Variants in CCDC15 observed in about 807,000 individuals in gnomAD.
CCDC15 encodes the protein coiled-coil domain containing 15, also known as coiled-coil domain-containing protein 15.
Under a neutral mutation model 114.5 loss-of-function variants are expected in CCDC15, and 105 were observed. That is an observed-to-expected ratio of 0.92 (90% confidence interval 0.78 to 1.08). The LOEUF (loss-of-function observed/expected upper bound fraction) is 1.08, where lower values mean the gene tolerates loss of function less well. Ranked by LOEUF, CCDC15 falls within the 50% of genes least tolerant of loss-of-function variation. The pLI is 0.00. For synonymous variants in CCDC15, 334 were observed against 377.8 expected (o/e 0.88, Z 1.34); for missense variants, 1,105 against 1,093.6 (o/e 1.01, Z -0.15).
At chr11:125,018,971 A>C (rs950090800) in intron 13 of CCDC15, among the ~76,000 whole-genome samples, 1 of 152,042 alleles carries the variant, frequency 6.6e-6, no homozygotes, top group African/African-American at 2.4e-5. Flanking sequence ...GCAGTGCTTC[A>C]TGAAAGAATG....
chr11:124,968,257 G>C (rs573655862), intron 4 of CCDC15, among the ~76,000 whole-genome samples: 1 of 152,200 alleles, frequency 6.6e-6, no homozygotes, highest in East Asian at 1.9e-4. Flanking sequence ...CCCTGACCCT[G>C]GAGGTGGAGT....
chr11:125,011,204 G>A (rs182867918), intron 13 of CCDC15, among the ~76,000 whole-genome samples: 2 of 149,356 alleles, frequency 1.3e-5, no homozygotes, highest in Admixed American at 6.6e-5. Flanking sequence ...ATGGGCAACT[G>A]TTTCTGTAAT....
chr11:124,982,885 T>C (rs1377855995), intron 6 of CCDC15, among the ~76,000 whole-genome samples: 1 of 152,230 alleles, frequency 6.6e-6, no homozygotes, highest in African/African-American at 2.4e-5. Flanking sequence ...AAATATGAAA[T>C]ACATTTTGCA....
intron 4 of CCDC15, among the ~76,000 whole-genome samples, chr11:124,963,420 G>A (rs1356858513): frequency 6.6e-6 from 1 of 152,110 alleles, no homozygotes; most frequent in African/African-American, 2.4e-5. Flanking sequence ...TCATGTGTCT[G>A]TTGGCTGCAT....
At chr11:125,028,613 T>C (rs554485775) in intron 13 of CCDC15, among the ~76,000 whole-genome samples, 1 of 152,316 alleles carries the variant, frequency 6.6e-6, no homozygotes, top group South Asian at 2.1e-4. Flanking sequence ...TGTTGGTGTA[T>C]AGCAGTACTC....
intron 2 of CCDC15, 74 bp from the exon 3 acceptor site, chr11:124,959,040 GT>G: frequency 1.0e-6 from 1 of 972,428 alleles, no homozygotes; most frequent in East Asian, 2.8e-5. Context: ...TATCCTGACT[GT>G]TTTGTGTTTA....
At chr11:124,986,332 G>C (rs1364958644) in intron 6 of CCDC15, among the ~76,000 whole-genome samples, 1 of 152,096 alleles carries the variant, frequency 6.6e-6, no homozygotes, top group Non-Finnish European at 1.5e-5. Context: ...GCTACTATGG[G>C]TTCCTTGCAT....
At chr11:125,011,501 G>A (rs975058380) in intron 13 of CCDC15, among the ~76,000 whole-genome samples, 1 of 152,020 alleles carries the variant, frequency 6.6e-6, no homozygotes, top group African/African-American at 2.4e-5. Context: ...CTCCCAATGT[G>A]CTGGGATTAC....
At chr11:125,040,072 G>A (rs538783575) in intron 15 of CCDC15, among the ~76,000 whole-genome samples, 3 of 150,656 alleles carry the variant, frequency 2.0e-5, no homozygotes, top group Admixed American at 1.3e-4. Context: ...TTCCGAGACA[G>A]CCTCACTCTG....
chr11:124,970,907 C>T (rs150856849), intron 4 of CCDC15, among the ~76,000 whole-genome samples: 22 of 152,232 alleles, frequency 1.4e-4, no homozygotes, highest in African/African-American at 5.3e-4. Context: ...CGTTTTGTTA[C>T]AAAGAAGTGC....
At chr11:124,988,829 A>T (rs1017813096) in intron 8 of CCDC15, among the ~76,000 whole-genome samples, 1 of 152,216 alleles carries the variant, frequency 6.6e-6, no homozygotes, top group Non-Finnish European at 1.5e-5. Context: ...TGAACATGAG[A>T]TTGCAGCAAT....
chr11:125,035,873 C>T (rs1035151227), intron 13 of CCDC15, among the ~76,000 whole-genome samples: 4 of 151,882 alleles, frequency 2.6e-5, no homozygotes, highest in African/African-American at 7.3e-5. Context: ...AAAAACTCTA[C>T]ACTTTAACAT....
chr11:124,970,539 G>A (rs1480674968), intron 4 of CCDC15, among the ~76,000 whole-genome samples: 1 of 152,112 alleles, frequency 6.6e-6, no homozygotes, highest in Non-Finnish European at 1.5e-5. Context: ...ACTTTGATTA[G>A]ATTTTTATGG....
chr11:125,005,577 A>G (rs1342208832), intron 13 of CCDC15, among the ~76,000 whole-genome samples: 1 of 152,152 alleles, frequency 6.6e-6, no homozygotes, highest in Non-Finnish European at 1.5e-5. Flanking sequence ...CCCAAAGTCC[A>G]TAGTTTACAT....
intron 6 of CCDC15, among the ~76,000 whole-genome samples, chr11:124,986,251 T>TTTTGAAA (rs1161084005): frequency 6.6e-6 from 1 of 152,246 alleles, no homozygotes. Flanking sequence ...TTCCTATAAC[T>TTTTGAAA]TTGTGGTAAC....
intron 13 of CCDC15, among the ~76,000 whole-genome samples, chr11:125,009,022 C>G (rs551246013): frequency 6.6e-6 from 1 of 152,042 alleles, no homozygotes; most frequent in Non-Finnish European, 1.5e-5. Flanking sequence ...AGTTCGAGAC[C>G]AGCCTGACCA....
Position 125,003,962 on chromosome 11 carries a change from A to T in CCDC15, c.2307+3A>T. On this transcript the variant is annotated splice_donor_region_variant and intron_variant, in intron 12 of 15. Transcript: ENST00000344762. ...ATAAAGAAGAAGATAAGAAAGAGGT[A>T]TGTAATGATACTGCTTTTGGATCCC... 6.9e-7 allele frequency: 1 copy of T among 1,444,472 alleles called. No individual in the cohort carries two copies. The highest frequency in any genetic ancestry group is 9.3e-7 in the Non-Finnish European group (1 of 1,078,794). The allele number at this position is 1,444,472 out of a possible 1,614,324, so 89.5% of individuals were successfully genotyped here.
chr11:125,010,058 CCAAACCGCTTTCCACAGTGGCTGAACTAA>C (rs1948579384), intron 13 of CCDC15, among the ~76,000 whole-genome samples: 1 of 152,134 alleles, frequency 6.6e-6, no homozygotes, highest in Non-Finnish European at 1.5e-5. Context: ...TGAAAAATCT[CCAAACCGCTTTCCACAGTGGCTGAACTAA>C]CAAACCGCTT....
At chr11:125,003,407 G>T (rs990241192) in intron 11 of CCDC15, among the ~76,000 whole-genome samples, 14 of 151,868 alleles carry the variant, frequency 9.2e-5, no homozygotes, top group African/African-American at 3.4e-4. Flanking sequence ...GTGGAAATTA[G>T]CCTGTTTCTT....
Sources: gnomAD v4.1 joint callset for allele counts (sites outside exome capture counted in the v4.1 genomes callset) on GRCh38, gnomAD v4.1.1 for gene constraint, MANE v1.5 for transcripts, NCBI Gene and HGNC (gene_info 2026-07-23, HGNC 2026-07-21) for gene names.